AIG1: variants seen among roughly 807,000 people sequenced by gnomAD.
AIG1 encodes androgen-induced gene 1 protein.
AIG1 carries 23 observed loss-of-function variants against 31.4 expected under a neutral mutation model. The observed-to-expected ratio is 0.73, with a 90% CI of 0.53 to 1.04. The LOEUF (loss-of-function observed/expected upper bound fraction) is 1.04, where lower values mean the gene tolerates loss of function less well. AIG1 is among the 50% of genes least tolerant of loss of function. The probability of loss-of-function intolerance (pLI) is 0.00; values close to 1 mark genes in which losing one functional copy is unlikely to be tolerated. For synonymous variants in AIG1, 100 were observed against 110.5 expected, an observed-to-expected ratio of 0.90 and a Z score of 0.60; for missense variants, 274 against 295.0, an observed-to-expected ratio of 0.93 and a Z score of 0.52.
chr6:143,169,955 A>G (rs1279628272), intron 3 of AIG1, among the ~76,000 whole-genome samples: 2 of 151,944 alleles, frequency 1.3e-5, no homozygotes, highest in Non-Finnish European at 2.9e-5. Flanking sequence ...GGATAAATAT[A>G]AACTTTTGGA....
At chr6:143,130,318 C>G (rs1481972079) in intron 1 of AIG1, among the ~76,000 whole-genome samples, 1 of 152,070 alleles carries the variant, frequency 6.6e-6, no homozygotes, top group Non-Finnish European at 1.5e-5. Flanking sequence ...TAAGGTCTCA[C>G]AAAGAAAAAT....
intron 1 of AIG1, among the ~76,000 whole-genome samples, 175 bp from the exon 2 acceptor site, chr6:143,136,660 T>C (rs1783783072): frequency 6.6e-6 from 1 of 152,222 alleles, no homozygotes; most frequent in South Asian, 2.1e-4. Flanking sequence ...AGATGAACTT[T>C]CTGTATAAAA....
At chr6:143,127,719 G>T (rs1180934856) in intron 1 of AIG1, among the ~76,000 whole-genome samples, 1 of 151,276 alleles carries the variant, frequency 6.6e-6, no homozygotes, top group East Asian at 1.9e-4. Flanking sequence ...ACAGAGTCTT[G>T]CTGTATCATC....
intron 3 of AIG1, among the ~76,000 whole-genome samples, chr6:143,181,576 A>C (rs1000200466): frequency 6.6e-6 from 1 of 152,242 alleles, no homozygotes; most frequent in Non-Finnish European, 1.5e-5. Flanking sequence ...ATCAGTAATA[A>C]ATTTCAAGGC....
intron 1 of AIG1, among the ~76,000 whole-genome samples, chr6:143,111,647 G>T (rs1461446589): frequency 6.6e-6 from 1 of 152,166 alleles, no homozygotes; most frequent in African/African-American, 2.4e-5. Flanking sequence ...CCAACTACCT[G>T]TTGGACCTCT....
intron 1 of AIG1, among the ~76,000 whole-genome samples, chr6:143,130,165 G>A (rs937016710): frequency 1.3e-5 from 2 of 151,756 alleles, no homozygotes; most frequent in Admixed American, 6.6e-5. Context: ...TCTTGACCTC[G>A]TGATCCACCC....
intron 1 of AIG1, 51 bp downstream of exon 1, chr6:143,061,117 CGTGTGTGTGTGTGTGTGTGT>C: frequency 2.1e-6 from 3 of 1,409,240 alleles, no homozygotes; most frequent in Non-Finnish European, 2.9e-6. Flanking sequence ...CCTGTGTGTG[CGTGTGTGTGTGTGTGTGTGT>C]GTGTGTGTGT....
chr6:143,240,079 G>A (rs1006334135), intron 3 of AIG1, among the ~76,000 whole-genome samples: 2 of 152,166 alleles, frequency 1.3e-5, no homozygotes, highest in African/African-American at 4.8e-5. Context: ...TATGACATAG[G>A]CGATGAAGGA....
At chr6:143,218,924 C>T (rs978062339) in intron 3 of AIG1, among the ~76,000 whole-genome samples, 3 of 152,118 alleles carry the variant, frequency 2.0e-5, no homozygotes, top group African/African-American at 4.8e-5. Flanking sequence ...TGCTTTAATC[C>T]TCTTCTCTCA....
chr6:143,070,022 C>A (rs977313842), intron 1 of AIG1, among the ~76,000 whole-genome samples: 1 of 152,188 alleles, frequency 6.6e-6, no homozygotes, highest in Non-Finnish European at 1.5e-5. Context: ...GGATTCTGTT[C>A]TGCTCCACTG....
chr6:143,139,995 C>T (rs571167872), intron 2 of AIG1, among the ~76,000 whole-genome samples: 49 of 152,244 alleles, frequency 3.2e-4, no homozygotes, highest in South Asian at 2.1e-4. Flanking sequence ...AAGACATACC[C>T]GAGACTTGAG....
intron 3 of AIG1, among the ~76,000 whole-genome samples, chr6:143,170,703 G>C (rs1466923468): frequency 1.3e-5 from 2 of 149,790 alleles, no homozygotes; most frequent in Non-Finnish European, 1.5e-5. Context: ...TGCTTTTCTA[G>C]TTCCTTGAGG....
At chr6:143,260,339 A>G (rs1451235281) in intron 3 of AIG1, among the ~76,000 whole-genome samples, 1 of 152,002 alleles carries the variant, frequency 6.6e-6, no homozygotes, top group African/African-American at 2.4e-5. Context: ...CTTCTTAAAG[A>G]CACCTCCCCC....
chr6:143,116,175 G>A (rs375599191), intron 1 of AIG1, among the ~76,000 whole-genome samples: 11 of 152,304 alleles, frequency 7.2e-5, no homozygotes, highest in African/African-American at 2.6e-4. Flanking sequence ...GGTATTTGGA[G>A]GTGAAAGTAA....
intron 3 of AIG1, among the ~76,000 whole-genome samples, chr6:143,181,759 A>AGGAT (rs1419855195): frequency 6.6e-6 from 1 of 152,160 alleles, no homozygotes; most frequent in Non-Finnish European, 1.5e-5. Flanking sequence ...GGGAGAGACC[A>AGGAT]GGATGGAGAA....
rs375997534 is a variant in AIG1 at position 143,101,020 on chromosome 6, T to C, written c.142-35815T>C. Among the ~76,000 whole-genome samples, 28 of 152,328 alleles carry C rather than the reference T, an allele frequency of 1.8e-4. No individual in the cohort carries two copies. The South Asian group carries it at 5.8e-3, about 32-fold the overall frequency. ...TATAATTAATTTAAGCTCACTCTTA[T>C]AAAATTTTCAAGTTTTATTTCATGT... On this transcript the variant is annotated intron_variant, in intron 1 of 5. Transcript: ENST00000357847.
At chr6:143,233,874 G>A (rs74897353) in intron 3 of AIG1, among the ~76,000 whole-genome samples, 1 of 152,278 alleles carries the variant, frequency 6.6e-6, no homozygotes, top group East Asian at 1.9e-4. Flanking sequence ...AGTATGAATG[G>A]GGAATTGCCT....
chr6:143,089,244 A>G (rs1378170152), intron 1 of AIG1, among the ~76,000 whole-genome samples: 1 of 152,120 alleles, frequency 6.6e-6, no homozygotes, highest in African/African-American at 2.4e-5. Flanking sequence ...TTAGCAAAAT[A>G]TACTACCAAT....
At chr6:143,305,984 CTTCT>C (rs1799269739) in intron 4 of AIG1, among the ~76,000 whole-genome samples, 1 of 151,276 alleles carries the variant, frequency 6.6e-6, no homozygotes, top group African/African-American at 2.4e-5. Flanking sequence ...ATGTAATGGC[CTTCT>C]TTGTCTCTTT....
Sources: allele counts gnomAD v4.1 joint callset (sites outside exome capture counted in the v4.1 genomes callset), GRCh38; gene constraint gnomAD v4.1.1; transcripts MANE v1.5; gene names NCBI Gene and HGNC (gene_info 2026-07-23, HGNC 2026-07-21).